Variants in ADAM12 observed in about 807,000 individuals in gnomAD.
The protein encoded by ADAM12 is ADAM metallopeptidase domain 12.
Under a neutral mutation model 106.4 loss-of-function variants are expected in ADAM12, and 70 were observed. That is an observed-to-expected ratio of 0.66 (90% CI 0.54 to 0.80). The LOEUF (loss-of-function observed/expected upper bound fraction) is 0.80. Ranked by LOEUF, ADAM12 falls within the 30% of genes least tolerant of loss-of-function variation. The pLI is 0.00. For missense variants in ADAM12, 1,010 were observed against 1,171.9 expected (o/e 0.86, Z 2.02); for synonymous variants, 420 against 433.5 (o/e 0.97, Z 0.39).
intron 3 of ADAM12, among the ~76,000 whole-genome samples, chr10:126,206,858 G>GGGA: frequency 7.2e-6 from 1 of 139,170 alleles, no homozygotes; most frequent in African/African-American, 2.8e-5. Flanking sequence ...GTGTTGTGGG[G>GGGA]GCGGGGGGGA....
chr10:126,147,230 C>G (rs1015844266), intron 4 of ADAM12, among the ~76,000 whole-genome samples: 1 of 152,174 alleles, frequency 6.6e-6, no homozygotes, highest in African/African-American at 2.4e-5. Flanking sequence ...CTGATCATGT[C>G]TAAGGGGAGA....
intron 4 of ADAM12, among the ~76,000 whole-genome samples, chr10:126,143,692 G>A (rs933218296): frequency 2.0e-5 from 3 of 151,918 alleles, no homozygotes; most frequent in Admixed American, 6.6e-5. Flanking sequence ...ATATGGGTGT[G>A]CATGTGTGTA....
intron 21 of ADAM12, among the ~76,000 whole-genome samples, chr10:126,023,308 G>T (rs1184979936): frequency 6.6e-6 from 1 of 152,108 alleles, no homozygotes; most frequent in East Asian, 1.9e-4. Context: ...CAGTAACATG[G>T]CAGGCTCTGT....
At chr10:126,371,112 A>C (rs1044280821) in intron 1 of ADAM12, among the ~76,000 whole-genome samples, 1 of 152,246 alleles carries the variant, frequency 6.6e-6, no homozygotes, top group African/African-American at 2.4e-5. Flanking sequence ...TAACTGCACA[A>C]GCTGAATGTC....
chr10:126,229,943 C>CTG (rs34925916), intron 3 of ADAM12, among the ~76,000 whole-genome samples: 47,096 of 151,920 alleles, frequency 0.31, 8,229 homozygotes, highest in South Asian at 0.49. Flanking sequence ...AGGTGCTCAA[C>CTG]GAGTTGTGCT....
At chr10:126,148,736 T>C (rs1565095771) in intron 4 of ADAM12, among the ~76,000 whole-genome samples, 1 of 152,170 alleles carries the variant, frequency 6.6e-6, no homozygotes, top group African/African-American at 2.4e-5. Context: ...ATCAGCTTAA[T>C]GACTGCCAAA....
At chr10:126,035,176 C>T (rs112865477) in intron 21 of ADAM12, among the ~76,000 whole-genome samples, 2,900 of 152,146 alleles carry the variant, frequency 0.019, 83 homozygotes, top group African/African-American at 0.064. Flanking sequence ...AAGACAATAA[C>T]AATGTGGGAA....
intron 3 of ADAM12, among the ~76,000 whole-genome samples, chr10:126,186,394 C>T (rs1957400191): frequency 1.3e-5 from 2 of 152,140 alleles, no homozygotes; most frequent in African/African-American, 2.4e-5. Context: ...GTCTGCCTGG[C>T]TGGGCAGTAA....
intron 3 of ADAM12, among the ~76,000 whole-genome samples, chr10:126,251,927 A>AGGATGGATGGATGGGATGATG (rs1958782867): frequency 2.6e-5 from 1 of 38,274 alleles, no homozygotes; most frequent in Non-Finnish European, 7.1e-5. Context: ...TGGGATGGAT[A>AGGATGGATGGATGGGATGATG]GGATGGATGG....
At chr10:126,178,284 CT>C (rs1957254217) in intron 3 of ADAM12, among the ~76,000 whole-genome samples, 1 of 151,730 alleles carries the variant, frequency 6.6e-6, no homozygotes, top group African/African-American at 2.4e-5. Context: ...CACATGTGTT[CT>C]TCAAGTCACA....
At chr10:126,051,624 G>T (rs1039122717) in intron 14 of ADAM12, among the ~76,000 whole-genome samples, 1 of 138,822 alleles carries the variant, frequency 7.2e-6, no homozygotes, top group African/African-American at 2.7e-5. Flanking sequence ...CATCCAGCCA[G>T]CCACCCGTCC....
Position 126,019,699 on chromosome 10 carries a change from G to A in ADAM12, c.2656C>T (p.Leu886Phe). The change falls in exon 22 of 23, where the codon CTC becomes TTC. Residue 886 changes from leucine (L) to phenylalanine (F), a missense_variant. Physicochemically the swap from Leu to Phe is conservative, Grantham distance 22. Coordinates refer to ENST00000448723, the MANE Select transcript of ADAM12 (RefSeq NM_001288973.2). Reference protein sequence around the residue: ...QWETGLRLAPLRPAPQYPHQV... With the variant: ...QWETGLRLAPFRPAPQYPHQV... ...GGCATGGCATGTCACACAAACCTGA[G>A]GGGTGCCAGGCGGAGCCCAGTCTCC... The A allele has an allele frequency of 6.2e-7, 1 of 1,613,576 alleles. No individual in the cohort carries two copies. The highest frequency in any genetic ancestry group is 8.5e-7 in the Non-Finnish European group (1 of 1,179,676).
In ADAM12 at chr10:126,158,416, G is replaced by A. The variant is rs1488387064; in HGVS notation, c.261-3111C>T. On this transcript the variant is annotated intron_variant, in intron 3 of 22. Coordinates refer to ENST00000448723, the MANE Select transcript of ADAM12 (RefSeq NM_001288973.2). ...GGAGAGGATGCACAGAGCACGGAGA[G>A]AGGATGCACAGAGCACGGGGAGGAT... Among the ~76,000 whole-genome samples, 3 of 146,296 alleles carry A rather than the reference G, an allele frequency of 2.1e-5. No individual in the cohort carries two copies. The Admixed American group carries it at 2.1e-4, about 10-fold the overall frequency.
intron 4 of ADAM12, among the ~76,000 whole-genome samples, chr10:126,151,247 G>A (rs1315730083): frequency 3.3e-5 from 5 of 152,142 alleles, no homozygotes; most frequent in African/African-American, 1.2e-4. Context: ...TCTATTATAT[G>A]CAAGATGCTA....
In ADAM12 at chr10:126,039,347, C is replaced by T; in HGVS notation, c.2187G>A (p.Lys729=). ...AAGFVVYLKR[K]TLIRLLFTNK... ...TTGTAAACAGCAGTCGTATCAAGGT[C>T]TTCCTTTTGAGATAAACCACAAATC... The change falls in exon 19 of 23, where the codon AAG becomes AAA. Residue 729 remains lysine (K), a synonymous_variant. Transcript: ENST00000448723. 2 of 1,614,098 alleles carry T rather than the reference C, an allele frequency of 1.2e-6. No individual in the cohort carries two copies. Among genetic ancestry groups the T allele is most frequent in the South Asian group, 1.1e-5 (1 of 91,082 alleles).
chr10:126,071,219 C>T (rs1450053168), intron 12 of ADAM12, among the ~76,000 whole-genome samples: 3 of 152,072 alleles, frequency 2.0e-5, no homozygotes, highest in Non-Finnish European at 4.4e-5. Flanking sequence ...TGTTTTTGGC[C>T]TCATCTTGCT....
At chr10:126,138,097 G>A (rs1956439385) in intron 4 of ADAM12, among the ~76,000 whole-genome samples, 1 of 152,116 alleles carries the variant, frequency 6.6e-6, no homozygotes, top group South Asian at 2.1e-4. Flanking sequence ...CCATCCTAGT[G>A]GATATAAAGT....
chr10:126,013,813 TGGAGA>T lies in ADAM12; in HGVS notation c.*3461_*3465del, dbSNP rs1261846985. On this transcript the variant is annotated 3_prime_UTR_variant, in exon 23 of 23. Coordinates refer to ENST00000448723, the MANE Select transcript of ADAM12 (RefSeq NM_001288973.2). This position sits in a 1 kb window ranked among gnomAD's most constrained non-coding sequence, Gnocchi z 4.3. Reference sequence around the variant, plus strand: ...AGCTGCCTAGGGCTGGCTTCTAGCATGGAGAGGAGAGGAAAAGGGGTCCTGCAATG... The same window carrying T: ...AGCTGCCTAGGGCTGGCTTCTAGCATGGAGAGGAAAAGGGGTCCTGCAATG... The T allele has an allele frequency of 1.3e-5, 2 of 152,306 alleles. No homozygotes were observed. The highest frequency in any genetic ancestry group is 2.9e-5 in the Non-Finnish European group (2 of 68,210). The allele number at this position is 152,306 out of a possible 1,614,324, so 9.4% of individuals were successfully genotyped here.
chr10:126,268,480 G>T (rs4962545), intron 3 of ADAM12, among the ~76,000 whole-genome samples: 11,729 of 152,230 alleles, frequency 0.077, 811 homozygotes, highest in African/African-American at 0.17. Flanking sequence ...GCCCAGCTTT[G>T]TAATGATGAT....
Sources: gnomAD v4.1 joint callset for allele counts (sites outside exome capture counted in the v4.1 genomes callset) on GRCh38, gnomAD v4.1.1 for gene constraint, Gnocchi (gnomAD v3.1) non-coding constraint, MANE v1.5 for transcripts, NCBI Gene and HGNC (gene_info 2026-07-23, HGNC 2026-07-21) for gene names.